Variants in FOXP1 observed in about 807,000 individuals in gnomAD.
FOXP1 encodes the protein forkhead box P1, also known as forkhead box protein P1.
Under a neutral mutation model 98.2 loss-of-function variants are expected in FOXP1, and 15 were observed. The observed-to-expected ratio is 0.15, with a 90% CI of 0.10 to 0.24. The LOEUF is 0.24. Among genes scored for constraint, FOXP1 ranks in the 10% least tolerant of loss-of-function variants. The pLI, the probability that FOXP1 is intolerant of heterozygous loss-of-function variation, is 1.00. For missense variants in FOXP1, 633 were observed against 848.5 expected (o/e 0.75, Z 3.15); for synonymous variants, 371 against 314.5 (o/e 1.18, Z -1.90).
chr3:71,005,245 C>G (rs2042615328), intron 12 of FOXP1, among the ~76,000 whole-genome samples: 2 of 134,242 alleles, frequency 1.5e-5, no homozygotes. Flanking sequence ...GACACTGAGA[C>G]TCAGGAGCAG....
intron 3 of FOXP1, among the ~76,000 whole-genome samples, chr3:71,369,569 A>G (rs1409464237): frequency 2.0e-5 from 3 of 151,974 alleles, no homozygotes; most frequent in Non-Finnish European, 2.9e-5. Flanking sequence ...TAATTTTGGT[A>G]TTTTTAGTAG....
At chr3:71,311,117 T>C (rs1345317588) in intron 4 of FOXP1, among the ~76,000 whole-genome samples, 3 of 152,218 alleles carry the variant, frequency 2.0e-5, no homozygotes, top group Admixed American at 2.0e-4. Flanking sequence ...TCTCACTCTG[T>C]TGCCCAAGCT....
At chr3:71,563,967 G>GT (rs1216849322) in intron 2 of FOXP1, among the ~76,000 whole-genome samples, 2 of 152,226 alleles carry the variant, frequency 1.3e-5, no homozygotes, top group African/African-American at 4.8e-5. Context: ...CAGATTATCA[G>GT]TAAGGTGATA....
intron 3 of FOXP1, among the ~76,000 whole-genome samples, chr3:71,439,622 C>T (rs2085717230): frequency 6.6e-6 from 1 of 152,180 alleles, no homozygotes; most frequent in South Asian, 2.1e-4. Flanking sequence ...AATGTACACA[C>T]ATTCAACAGA....
At chr3:71,127,191 C>A (rs145186766) in intron 6 of FOXP1, among the ~76,000 whole-genome samples, 2,942 of 152,172 alleles carry the variant, frequency 0.019, 52 homozygotes, top group Admixed American at 0.05. Flanking sequence ...AGGAAGGAGG[C>A]CCACGGCACT....
At chr3:71,493,579 C>A (rs2091210163) in intron 2 of FOXP1, 24 bp from the exon 3 acceptor site, 2 of 152,178 alleles carry the variant, frequency 1.3e-5, no homozygotes, top group African/African-American at 4.8e-5. Context: ...ATATTTTTTA[C>A]ACATAACTAA....
intron 3 of FOXP1, among the ~76,000 whole-genome samples, chr3:71,483,647 A>T (rs1157407497): frequency 6.6e-6 from 1 of 152,188 alleles, no homozygotes; most frequent in African/African-American, 2.4e-5. Flanking sequence ...CATACCATCC[A>T]TGGCTGCTTA....
At chr3:71,477,636 T>C (rs530744459) in intron 3 of FOXP1, among the ~76,000 whole-genome samples, 6 of 152,362 alleles carry the variant, frequency 3.9e-5, no homozygotes, top group Non-Finnish European at 7.3e-5. Context: ...TCTTATGATG[T>C]TGAGCCTTGC....
At chr3:71,269,916 T>C (rs1012031187) in intron 5 of FOXP1, among the ~76,000 whole-genome samples, 5 of 152,170 alleles carry the variant, frequency 3.3e-5, no homozygotes, top group African/African-American at 7.2e-5. Context: ...GAAAAAGTAT[T>C]AGAAACCAAT....
intron 12 of FOXP1, among the ~76,000 whole-genome samples, chr3:71,003,663 T>C (rs1378159119): frequency 1.3e-5 from 2 of 152,200 alleles, no homozygotes; most frequent in Non-Finnish European, 2.9e-5. Context: ...TCATGATTTA[T>C]ATAAAATGGT....
intron 2 of FOXP1, among the ~76,000 whole-genome samples, chr3:71,577,457 A>C (rs549260624): frequency 6.6e-6 from 1 of 152,224 alleles, no homozygotes; most frequent in Non-Finnish European, 1.5e-5. Context: ...AAAAAAAGGA[A>C]AAAAACTATC....
intron 11 of FOXP1, among the ~76,000 whole-genome samples, chr3:71,029,119 G>A (rs2046515667): frequency 6.6e-6 from 1 of 152,180 alleles, no homozygotes; most frequent in African/African-American, 2.4e-5. Flanking sequence ...TACAGCACCT[G>A]TGGCCAAAGA....
In FOXP1 at chr3:70,965,053, T is replaced by G. The variant is rs910311993; in HGVS notation, c.1889+837A>C. ...TGCAAACACGAAATGGGTTAGTACC[T>G]TAAAGTGGGCAACAGTTTTGAAGAA... On this transcript the variant is annotated intron_variant, in intron 20 of 20. Coordinates refer to ENST00000649528, the MANE Select transcript of FOXP1 (RefSeq NM_001349338.3). Among the ~76,000 whole-genome samples the G allele has an allele frequency of 3.3e-5, 5 of 152,234 alleles. No individual in the cohort carries two copies. The East Asian group carries it at 7.7e-4, about 23-fold the overall frequency.
chr3:71,465,231 T>C (rs1169818132), intron 3 of FOXP1, among the ~76,000 whole-genome samples: 1 of 149,702 alleles, frequency 6.7e-6, no homozygotes, highest in Non-Finnish European at 1.5e-5. Flanking sequence ...TGCTTGAACC[T>C]GGGAGGCAGA....
chr3:71,168,287 G>C (rs1035799523), intron 6 of FOXP1, among the ~76,000 whole-genome samples: 1 of 144,622 alleles, frequency 6.9e-6, no homozygotes, highest in African/African-American at 2.5e-5. Context: ...TAACCACAAG[G>C]AATGAGTTTA....
chr3:71,530,021 G>A (rs1168044162), intron 2 of FOXP1, among the ~76,000 whole-genome samples: 2 of 152,118 alleles, frequency 1.3e-5, no homozygotes, highest in Non-Finnish European at 1.5e-5. Flanking sequence ...TAGTGGGGCC[G>A]AGCCCTTAAC....
intron 3 of FOXP1, among the ~76,000 whole-genome samples, chr3:71,419,943 T>C (rs905628274): frequency 1.3e-5 from 2 of 151,848 alleles, no homozygotes; most frequent in African/African-American, 4.8e-5. Flanking sequence ...GCCTCCTGAG[T>C]AGCTGGGATT....
intron 20 of FOXP1, among the ~76,000 whole-genome samples, chr3:70,962,425 T>C (rs1304639464): frequency 6.6e-6 from 1 of 152,196 alleles, no homozygotes; most frequent in Non-Finnish European, 1.5e-5. Flanking sequence ...ATTGTGATAT[T>C]AACTTCCAAA....
intron 5 of FOXP1, among the ~76,000 whole-genome samples, chr3:71,260,594 G>C (rs2069043527): frequency 6.7e-6 from 1 of 149,596 alleles, no homozygotes; most frequent in African/African-American, 2.5e-5. Flanking sequence ...CCAGGCTGGA[G>C]TGCAACGGGG....
Sources: allele counts gnomAD v4.1 joint callset (sites outside exome capture counted in the v4.1 genomes callset), GRCh38; gene constraint gnomAD v4.1.1; transcripts MANE v1.5; gene names NCBI Gene and HGNC (gene_info 2026-07-23, HGNC 2026-07-21).